PIK3C2G: variants seen among roughly 807,000 people sequenced by gnomAD.
The protein encoded by PIK3C2G is phosphatidylinositol-4-phosphate 3-kinase catalytic subunit type 2 gamma, also known as phosphatidylinositol 3-kinase C2 domain-containing subunit gamma.
PIK3C2G carries 168 observed loss-of-function variants against 181.1 expected under a neutral mutation model. The observed-to-expected ratio is 0.93, with a 90% CI of 0.82 to 1.05. The LOEUF (loss-of-function observed/expected upper bound fraction) is 1.05. Ranked by LOEUF, PIK3C2G falls within the 50% of genes least tolerant of loss-of-function variation. The probability of loss-of-function intolerance (pLI) is 0.00; values close to 1 mark genes in which losing one functional copy is unlikely to be tolerated. For missense variants in PIK3C2G, 1,869 were observed against 1,732.8 expected (o/e 1.08, Z -1.40); for synonymous variants, 573 against 592.2 (o/e 0.97, Z 0.47).
At chr12:18,487,096 TTG>T (rs35440588) in intron 18 of PIK3C2G, among the ~76,000 whole-genome samples, 5,757 of 142,100 alleles carry the variant, frequency 0.041, 112 homozygotes, top group Middle Eastern at 0.047. Flanking sequence ...TTGAGGTATT[TTG>T]TGTGTGTGTG....
At chr12:18,635,828 C>T (rs890703293) in intron 31 of PIK3C2G, among the ~76,000 whole-genome samples, 2 of 152,144 alleles carry the variant, frequency 1.3e-5, no homozygotes, top group African/African-American at 2.4e-5. Flanking sequence ...GGCTAACACA[C>T]CCAAATGAGG....
intron 20 of PIK3C2G, among the ~76,000 whole-genome samples, chr12:18,492,043 G>T (rs772649611): frequency 6.6e-5 from 10 of 152,042 alleles, no homozygotes; most frequent in East Asian, 5.8e-4. Flanking sequence ...TTTTACTCAC[G>T]CCTAGAAAGC....
chr12:18,324,121 G>A (rs1334296019), intron 7 of PIK3C2G, among the ~76,000 whole-genome samples: 1 of 151,986 alleles, frequency 6.6e-6, no homozygotes, highest in Non-Finnish European at 1.5e-5. Context: ...TCCGGATGCT[G>A]AGGCAGGAGA....
chr12:18,614,011 CCT>C (rs572574279), intron 31 of PIK3C2G, among the ~76,000 whole-genome samples: 50 of 152,078 alleles, frequency 3.3e-4, no homozygotes, highest in Admixed American at 2.8e-3. Context: ...TTGGCTGAGT[CCT>C]CTGATAGTCT....
chr12:18,668,569 G>T, the PIK3C2G span, among the ~76,000 whole-genome samples: 1 of 152,100 alleles, frequency 6.6e-6, no homozygotes, highest in African/African-American at 2.4e-5. Flanking sequence ...GATCATGCAT[G>T]CTGGACCATC....
At chr12:18,716,441 C>G in the PIK3C2G span, among the ~76,000 whole-genome samples, 1,087 of 152,330 alleles carry the variant, frequency 7.1e-3, 13 homozygotes, top group African/African-American at 0.025. Context: ...ATGCCAACCA[C>G]TTACATGTGG....
chr12:18,296,116 A>G (rs1949929369), intron 5 of PIK3C2G, among the ~76,000 whole-genome samples: 1 of 152,120 alleles, frequency 6.6e-6, no homozygotes, highest in South Asian at 2.1e-4. Flanking sequence ...GAAACATATG[A>G]CTACAAACAT....
At chr12:18,466,961 C>A (rs1365078262) in intron 18 of PIK3C2G, among the ~76,000 whole-genome samples, 3 of 151,984 alleles carry the variant, frequency 2.0e-5, no homozygotes, top group Non-Finnish European at 4.4e-5. Flanking sequence ...TGCAATAGTG[C>A]ATTTCTTAAA....
chr12:18,457,862 A>G (rs1370259444), intron 18 of PIK3C2G, among the ~76,000 whole-genome samples: 2 of 152,150 alleles, frequency 1.3e-5, no homozygotes, highest in Non-Finnish European at 2.9e-5. Flanking sequence ...CCAAAACCTA[A>G]TCAGACACTT....
chr12:18,498,632 C>T (rs1019298861), intron 22 of PIK3C2G, among the ~76,000 whole-genome samples: 2 of 151,774 alleles, frequency 1.3e-5, no homozygotes, highest in African/African-American at 4.8e-5. Context: ...AACTGTCATG[C>T]CATGGATCCT....
intron 29 of PIK3C2G, among the ~76,000 whole-genome samples, chr12:18,574,743 G>A (rs1042477512): frequency 7.9e-5 from 12 of 152,084 alleles, no homozygotes; most frequent in African/African-American, 2.9e-4. Context: ...AGCTAACCCC[G>A]TAACTAGAAC....
chr12:18,556,568 A>G (rs913399436), intron 26 of PIK3C2G, among the ~76,000 whole-genome samples: 3 of 152,174 alleles, frequency 2.0e-5, no homozygotes, highest in Admixed American at 2.0e-4. Flanking sequence ...TATCTTCATG[A>G]GAAGTGAGTG....
At chr12:18,502,180 C>T (rs1941537904) in intron 22 of PIK3C2G, among the ~76,000 whole-genome samples, 2 of 152,050 alleles carry the variant, frequency 1.3e-5, no homozygotes, top group Non-Finnish European at 2.9e-5. Context: ...ATGTAGATGC[C>T]CAATGATCAT....
chr12:18,301,820 G>C (rs949213254), intron 5 of PIK3C2G, among the ~76,000 whole-genome samples: 10 of 151,962 alleles, frequency 6.6e-5, no homozygotes, highest in Admixed American at 5.9e-4. Flanking sequence ...TATGCTATTA[G>C]TGTAATAGTC....
At chr12:18,500,455 A>C (rs1941362709) in intron 22 of PIK3C2G, among the ~76,000 whole-genome samples, 1 of 152,110 alleles carries the variant, frequency 6.6e-6, no homozygotes. Context: ...TGTGCAGCCG[A>C]GCCTCCCCTA....
chr12:18,663,781 T>C, the PIK3C2G span, among the ~76,000 whole-genome samples: 61,189 of 151,988 alleles, frequency 0.4, 14,514 homozygotes, highest in South Asian at 0.59. Flanking sequence ...GTTGTGCATC[T>C]GAAAACACTA....
upstream of PIK3C2G, among the ~76,000 whole-genome samples, chr12:18,247,262 G>A (rs1250990986): frequency 6.6e-6 from 1 of 152,152 alleles, no homozygotes; most frequent in East Asian, 1.9e-4. Context: ...CAAGATAGAT[G>A]TGTGGACATC....
At chr12:18,700,538 A>AAAAAAAAAAG in the PIK3C2G span, among the ~76,000 whole-genome samples, 10 of 135,918 alleles carry the variant, frequency 7.4e-5, no homozygotes, top group South Asian at 4.7e-4. Flanking sequence ...AAAAAAAAAT[A>AAAAAAAAAAG]GTTGCTCTGC....
At chr12:18,726,349 G>A in the PIK3C2G span, among the ~76,000 whole-genome samples, 1 of 152,022 alleles carries the variant, frequency 6.6e-6, no homozygotes, top group African/African-American at 2.4e-5. Context: ...TCCTTAAGTG[G>A]TTATTCTTTG....
Sources: gnomAD v4.1 joint callset for allele counts (sites outside exome capture counted in the v4.1 genomes callset) on GRCh38, gnomAD v4.1.1 for gene constraint, MANE v1.5 for transcripts, NCBI Gene and HGNC (gene_info 2026-07-23, HGNC 2026-07-21) for gene names.